Variants in KCNMA1 observed in about 807,000 individuals in gnomAD.
The protein encoded by KCNMA1 is potassium calcium-activated channel subfamily M alpha 1, also known as Calcium-activated potassium channel subunit alpha-1.
Under a neutral mutation model 140.0 loss-of-function variants are expected in KCNMA1, and 29 were observed. That is an observed-to-expected ratio of 0.21 (90% CI 0.15 to 0.28). KCNMA1 has a LOEUF of 0.28. Ranked by LOEUF, KCNMA1 falls within the 10% of genes least tolerant of loss-of-function variation. The pLI is 1.00. For synonymous variants in KCNMA1, 612 were observed against 611.9 expected, an observed-to-expected ratio of 1.00 and a Z score of 0.00; for missense variants, 880 against 1,602.2, an observed-to-expected ratio of 0.55 and a Z score of 7.70.
intron 16 of KCNMA1, among the ~76,000 whole-genome samples, chr10:77,025,988 A>AG (rs1348522632): frequency 3.3e-5 from 2 of 60,272 alleles, no homozygotes; most frequent in Admixed American, 1.4e-4. Flanking sequence ...CCTTTTCTGA[A>AG]GAAAAAAAAA....
chr10:77,140,049 T>A (rs2766620), intron 5 of KCNMA1, among the ~76,000 whole-genome samples: 18,796 of 152,176 alleles, frequency 0.12, 2,749 homozygotes, highest in East Asian at 0.73. Flanking sequence ...AATAGCTCAA[T>A]AACATTCAGG....
chr10:77,228,145 C>T (rs911251541), intron 3 of KCNMA1, among the ~76,000 whole-genome samples: 8 of 151,628 alleles, frequency 5.3e-5, no homozygotes, highest in East Asian at 2.0e-4. Flanking sequence ...TTATATTTTT[C>T]GTAGAGACGG....
At chr10:77,437,247 A>C (rs2097284540) in intron 1 of KCNMA1, among the ~76,000 whole-genome samples, 1 of 152,162 alleles carries the variant, frequency 6.6e-6, no homozygotes, top group Non-Finnish European at 1.5e-5. Flanking sequence ...GGTGGACAAT[A>C]GGTGGGAAAG....
intron 1 of KCNMA1, among the ~76,000 whole-genome samples, chr10:77,559,135 C>G (rs4114358): frequency 6.6e-6 from 1 of 152,204 alleles, no homozygotes; most frequent in East Asian, 1.9e-4. Flanking sequence ...AAGGTGAGGT[C>G]TAATGGTGGC....
At chr10:77,567,881 C>A (rs2068958247) in intron 1 of KCNMA1, among the ~76,000 whole-genome samples, 1 of 152,210 alleles carries the variant, frequency 6.6e-6, no homozygotes, top group African/African-American at 2.4e-5. Flanking sequence ...TGCTTGAGCT[C>A]AGGAGTCCAA....
At chr10:77,407,470 G>T (rs1352241718) in intron 1 of KCNMA1, among the ~76,000 whole-genome samples, 1 of 152,192 alleles carries the variant, frequency 6.6e-6, no homozygotes, top group Non-Finnish European at 1.5e-5. Flanking sequence ...CAGCAACTAA[G>T]AATTAAGTGT....
At chr10:77,286,987 G>T (rs1274910215) in intron 2 of KCNMA1, among the ~76,000 whole-genome samples, 1 of 152,132 alleles carries the variant, frequency 6.6e-6, no homozygotes, top group Non-Finnish European at 1.5e-5. Context: ...ATATAATCAC[G>T]TTTCATACTG....
intron 2 of KCNMA1, among the ~76,000 whole-genome samples, chr10:77,353,060 C>T (rs1422137634): frequency 6.6e-6 from 1 of 152,152 alleles, no homozygotes; most frequent in Admixed American, 6.6e-5. Flanking sequence ...TTGTATTTTT[C>T]ATGAAGCTTA....
intron 2 of KCNMA1, among the ~76,000 whole-genome samples, chr10:77,367,987 G>C (rs1425983486): frequency 1.3e-5 from 2 of 152,208 alleles, no homozygotes; most frequent in African/African-American, 2.4e-5. Context: ...ATTATGAATA[G>C]AGATGCTACA....
chr10:77,280,304 T>C (rs1367920020), intron 2 of KCNMA1, among the ~76,000 whole-genome samples: 3 of 152,342 alleles, frequency 2.0e-5, no homozygotes, highest in Non-Finnish European at 4.4e-5. Context: ...ATTCTGACCA[T>C]ATAGAAGTTA....
intron 19 of KCNMA1, among the ~76,000 whole-genome samples, chr10:76,987,233 C>A (rs1301796346): frequency 3.3e-5 from 5 of 152,220 alleles, no homozygotes; most frequent in Non-Finnish European, 5.9e-5. Flanking sequence ...GCTAAGAATT[C>A]AAAGACCAAT....
chr10:76,951,966 C>T, intron 21 of KCNMA1: 1 of 1,399,400 alleles, frequency 7.1e-7, no homozygotes, highest in Non-Finnish European at 9.9e-7. Flanking sequence ...TGGTGTGTGG[C>T]ACATAGTAGG....
chr10:77,439,419 T>A (rs1236837315), intron 1 of KCNMA1, among the ~76,000 whole-genome samples: 1 of 152,066 alleles, frequency 6.6e-6, no homozygotes, highest in Non-Finnish European at 1.5e-5. Flanking sequence ...CTCATCCCAT[T>A]CCCTTTGTGG....
intron 1 of KCNMA1, among the ~76,000 whole-genome samples, chr10:77,541,364 A>C (rs1383761257): frequency 6.6e-6 from 1 of 152,214 alleles, no homozygotes; most frequent in East Asian, 1.9e-4. Context: ...TACCCACAAG[A>C]AAACTAGTGT....
At chr10:77,017,679 C>A (rs1176221665) in intron 17 of KCNMA1, among the ~76,000 whole-genome samples, 1 of 152,154 alleles carries the variant, frequency 6.6e-6, no homozygotes, top group African/African-American at 2.4e-5. Flanking sequence ...CCCTAAGTAT[C>A]CACGGTCACA....
chr10:77,500,171 T>C (rs1278848059), intron 1 of KCNMA1, among the ~76,000 whole-genome samples: 1 of 151,162 alleles, frequency 6.6e-6, no homozygotes, highest in East Asian at 1.9e-4. Context: ...AAGCATTTTT[T>C]AAAAAACAGA....
rs767481079 is a variant in KCNMA1, at chr10:77,445,203, G to A, written c.379-41180C>T. Among the ~76,000 whole-genome samples, 113 of 152,112 alleles carry A rather than the reference G, an allele frequency of 7.4e-4. 1 individual carries two copies. Among genetic ancestry groups the A allele is most frequent in the Admixed American group, 5.4e-3 (82 of 15,262 alleles). ...GGCTAGGATCCCCACTTTCTATAAG[G>A]CAAGCTCCAAGACTATCTGGCAGCC... On this transcript the variant is annotated intron_variant, in intron 1 of 27. Coordinates refer to ENST00000286628, the MANE Select transcript of KCNMA1 (RefSeq NM_001161352.2).
chr10:77,594,484 A>G (rs532105722), intron 1 of KCNMA1, among the ~76,000 whole-genome samples: 33 of 152,114 alleles, frequency 2.2e-4, no homozygotes, highest in African/African-American at 8.0e-4. Flanking sequence ...TCTCCCTACC[A>G]TTTGTGTCCC....
intron 14 of KCNMA1, among the ~76,000 whole-genome samples, chr10:77,051,948 G>C (rs1036591606): frequency 2.0e-5 from 3 of 152,198 alleles, no homozygotes; most frequent in Non-Finnish European, 4.4e-5. Flanking sequence ...CATACTAAGA[G>C]ATGGCATTTA....
Sources: gnomAD v4.1 joint callset for allele counts (sites outside exome capture counted in the v4.1 genomes callset) on GRCh38, gnomAD v4.1.1 for gene constraint, MANE v1.5 for transcripts, NCBI Gene and HGNC (gene_info 2026-07-23, HGNC 2026-07-21) for gene names.